The following PARD3B variants were observed in gnomAD, a reference collection of about 807,000 sequenced individuals.
PARD3B encodes the protein partitioning defective 3 homolog B.
A neutral mutation model predicts 130.2 loss-of-function variants in PARD3B; 103 were observed. The ratio of observed to expected loss-of-function variants is 0.79; its 90% confidence interval spans 0.67 to 0.93. The LOEUF is 0.93. Among genes scored for constraint, PARD3B ranks in the 40% least tolerant of loss-of-function variants. The pLI is 0.00. For missense variants in PARD3B, 1,609 were observed against 1,499.2 expected (o/e 1.07, Z -1.21); for synonymous variants, 583 against 553.2 (o/e 1.05, Z -0.76).
Position 205,615,731 on chromosome 2 carries a change from G to C in PARD3B, c.3536G>C (p.Gly1179Ala). Reference sequence around the variant, plus strand: ...GCCTATCAGGAAACAGGCAGACCAGGGCCCCGTGGGGGCAGCCCAGACCAG... The same window carrying C: ...GCCTATCAGGAAACAGGCAGACCAGCGCCCCGTGGGGGCAGCCCAGACCAG... ...MPAYQETGRPGPRGGSPDQYP... is the reference protein window; with the variant it reads ...MPAYQETGRPAPRGGSPDQYP... Residue 1179 changes from glycine (G) to alanine (A), a missense_variant, in exon 23 of 23, where the codon GGG (glycine) becomes GCG (alanine). Transcript: ENST00000406610. 6.2e-7 allele frequency: 1 copy of C among 1,613,962 alleles called. No individual in the cohort carries two copies. The highest frequency in any genetic ancestry group is 8.5e-7 in the Non-Finnish European group (1 of 1,179,990).
At chr2:204,803,163 A>AAAT (rs1553528190) in intron 2 of PARD3B, among the ~76,000 whole-genome samples, 1 of 90,766 alleles carries the variant, frequency 1.1e-5, no homozygotes. Flanking sequence ...AAAAAAAAAA[A>AAAT]ATATATATAT....
Position 205,125,681 on chromosome 2 carries a change from G to T in PARD3B, c.1378G>T (p.Glu460Ter), listed in dbSNP as rs982989932. Residue 460 changes from glutamate (E) to a stop codon, truncating the protein, a stop_gained, in exon 10 of 23, where the codon GAG (glutamate) becomes TAG (stop). Coordinates refer to ENST00000406610, the MANE Select transcript of PARD3B (RefSeq NM_001302769.2). LOFTEE classifies it high-confidence loss of function. The surrounding 1 kb of genome is among the most constrained non-coding windows in gnomAD (Gnocchi z 4.0). ...CATGCTCAGGAGCACCAAGCAGGGGGAGACAGCATCGCTGGTCATTGCCCG... is the reference window on the plus strand; with the variant it reads ...CATGCTCAGGAGCACCAAGCAGGGGTAGACAGCATCGCTGGTCATTGCCCG... The part of the protein sequence containing the change: ...VAMLRSTKQG[E>*]TASLVIARQE... The T allele has an allele frequency of 1.2e-6, 2 of 1,614,148 alleles. No homozygotes were observed. Among genetic ancestry groups the T allele is most frequent in the Non-Finnish European group, 1.7e-6 (2 of 1,180,036 alleles).
intron 18 of PARD3B, among the ~76,000 whole-genome samples, chr2:205,303,829 T>A (rs1273030420): frequency 2.0e-5 from 3 of 152,108 alleles, no homozygotes. Context: ...CCCTAAGGGG[T>A]TTACTTGTAG....
At chr2:204,736,917 T>C (rs915484904) in intron 2 of PARD3B, among the ~76,000 whole-genome samples, 2 of 152,170 alleles carry the variant, frequency 1.3e-5, no homozygotes, top group Admixed American at 1.3e-4. Context: ...CATTCCCTTT[T>C]CCCCACATCC....
chr2:205,611,901 G>A (rs941117151), intron 22 of PARD3B, among the ~76,000 whole-genome samples: 2 of 152,154 alleles, frequency 1.3e-5, no homozygotes, highest in African/African-American at 4.8e-5. Flanking sequence ...GCGGATTCTT[G>A]TTTTAATCAG....
rs113746258 is a variant in PARD3B, at chr2:205,353,330, T to G, written c.2631-47683T>G. Reference sequence around the variant, plus strand: ...CCCTTTTCTCCCCCTTGATAGTGCATTAGTACCGCTCCATGGAACAAATTG... The same window carrying G: ...CCCTTTTCTCCCCCTTGATAGTGCAGTAGTACCGCTCCATGGAACAAATTG... On this transcript the variant is annotated intron_variant, in intron 18 of 22. Coordinates refer to ENST00000406610, the MANE Select transcript of PARD3B (RefSeq NM_001302769.2). 3.3e-5 allele frequency among the ~76,000 whole-genome samples: 5 copies of G among 152,304 alleles called. 1 individual carries two copies. The highest frequency in any genetic ancestry group is 1.2e-4 in the African/African-American group (5 of 41,556).
At chr2:205,235,117 CACT>C (rs1440795580) in intron 15 of PARD3B, among the ~76,000 whole-genome samples, 1 of 151,918 alleles carries the variant, frequency 6.6e-6, no homozygotes, top group African/African-American at 2.4e-5. Context: ...CCTCAGCTTT[CACT>C]TAAAAAAATG....
chr2:204,737,807 C>T (rs1353564163), intron 2 of PARD3B, among the ~76,000 whole-genome samples: 1 of 152,036 alleles, frequency 6.6e-6, no homozygotes, highest in African/African-American at 2.4e-5. Flanking sequence ...GCCGGTTTTC[C>T]CATTTAATAC....
rs762096192 is a variant in PARD3B at position 205,193,303 on chromosome 2, C to T, written c.2123C>T (p.Ser708Leu). The change falls in exon 15 of 23, where the codon TCG becomes TTG. Residue 708 changes from serine (S) to leucine (L), a missense_variant. Transcript: ENST00000406610. ...RQPESINLKA[S>L]KSMDLVPDES... is the part of the protein sequence containing the mutation. ...CCTGAATCAATTAATTTGAAAGCCT[C>T]GAAGAGCATGGACCTTGGTAAGCAA... 14 of 1,609,788 alleles carry T rather than the reference C, an allele frequency of 8.7e-6. No homozygotes were observed. Among genetic ancestry groups the T allele is most frequent in the African/African-American group, 1.3e-5 (1 of 74,800 alleles).
At chr2:205,221,503 G>C (rs2038236126) in intron 15 of PARD3B, among the ~76,000 whole-genome samples, 3 of 152,174 alleles carry the variant, frequency 2.0e-5, no homozygotes, top group Non-Finnish European at 4.4e-5. Context: ...ACTTTGGTGA[G>C]GGTGTCAGTG....
intron 21 of PARD3B, among the ~76,000 whole-genome samples, chr2:205,502,863 T>A (rs931048236): frequency 3.3e-5 from 5 of 152,126 alleles, no homozygotes; most frequent in African/African-American, 9.7e-5. Flanking sequence ...ACTTTCTAGA[T>A]CTTCTCAGAC....
chr2:205,241,372 G>T lies in PARD3B; in HGVS notation c.2141-4406G>T, dbSNP rs190972130. Among the ~76,000 whole-genome samples, 2 of 152,196 alleles carry T rather than the reference G, an allele frequency of 1.3e-5. No individual in the cohort carries two copies. The highest frequency in any genetic ancestry group is 1.3e-4 in the Admixed American group (2 of 15,272). The stretch of plus-strand genomic sequence containing the variant: ...GAAAGATCAAGAGGAGGCAGTCCAT[G>T]GTACTCTCTAAGTATGTAATAATGG... On this transcript the variant is annotated intron_variant, in intron 15 of 22. Transcript: ENST00000406610. This position sits in a 1 kb window ranked among gnomAD's most constrained non-coding sequence, Gnocchi z 4.2.
At chr2:204,762,116 ATTTTTTTTTTTT>A (rs968166780) in intron 2 of PARD3B, among the ~76,000 whole-genome samples, 1 of 95,378 alleles carries the variant, frequency 1.0e-5, no homozygotes, top group African/African-American at 4.1e-5. Context: ...TTCTTTTTCT[ATTTTTTTTTTTT>A]TTTTTTTTTT....
chr2:204,910,851 C>A (rs567929632), intron 2 of PARD3B, among the ~76,000 whole-genome samples: 1 of 152,046 alleles, frequency 6.6e-6, no homozygotes, highest in African/African-American at 2.4e-5. Flanking sequence ...ACTTTGTTAG[C>A]CAGGATGGTC....
intron 21 of PARD3B, among the ~76,000 whole-genome samples, chr2:205,516,554 C>T (rs2106384169): frequency 6.6e-6 from 1 of 152,190 alleles, no homozygotes; most frequent in East Asian, 1.9e-4. Flanking sequence ...GATTGCCTTT[C>T]TGATTTGGCT....
Position 205,229,830 on chromosome 2 carries a change from T to C in PARD3B, c.2141-15948T>C, listed in dbSNP as rs982271192. On this transcript the variant is annotated intron_variant, in intron 15 of 22. Coordinates refer to ENST00000406610, the MANE Select transcript of PARD3B (RefSeq NM_001302769.2). This position sits in a 1 kb window ranked among gnomAD's most constrained non-coding sequence, Gnocchi z 5.2. ...CCTAGAGTCAGAAACCTTAGATGTC[T>C]ACCTGGTGCTCCATTTTCTTGAGTC... is the stretch of plus-strand genomic sequence containing the variant. 2.2e-4 allele frequency among the ~76,000 whole-genome samples: 33 copies of C among 151,994 alleles called. No homozygotes were observed. Among genetic ancestry groups the C allele is most frequent in the African/African-American group, 7.5e-4 (31 of 41,406 alleles).
At position 205,558,260 on chromosome 2, in the gene PARD3B, C is replaced by T. The variant is rs764242156; in HGVS notation, c.3260+4857C>T. Among the ~76,000 whole-genome samples, 1 of 152,130 alleles carries T rather than the reference C, an allele frequency of 6.6e-6. No homozygotes were observed. Among genetic ancestry groups the T allele is most frequent in the Non-Finnish European group, 1.5e-5 (1 of 68,024 alleles). ...CATTGCTCCAGTGGTAGAGGCCATA[C>T]CCAGGGCGAGTTAACCAGGAAGGTG... is the stretch of plus-strand genomic sequence containing the variant. On this transcript the variant is annotated intron_variant, in intron 22 of 22. Transcript: ENST00000406610. The surrounding 1 kb of genome is among the most constrained non-coding windows in gnomAD (Gnocchi z 4.8).
chr2:205,045,394 C>T (rs1413138536), intron 3 of PARD3B, among the ~76,000 whole-genome samples: 11 of 151,890 alleles, frequency 7.2e-5, no homozygotes, highest in African/African-American at 1.7e-4. Context: ...ATTACAGTTG[C>T]GTACCACCAT....
At chr2:205,270,646 A>G (rs2040688612) in intron 16 of PARD3B, among the ~76,000 whole-genome samples, 1 of 152,096 alleles carries the variant, frequency 6.6e-6, no homozygotes, top group African/African-American at 2.4e-5. Context: ...CCTGTTTCTC[A>G]CCTAGTAAGT....
Sources: gnomAD v4.1 joint callset for allele counts (sites outside exome capture counted in the v4.1 genomes callset) on GRCh38, gnomAD v4.1.1 for gene constraint, Gnocchi (gnomAD v3.1) non-coding constraint, MANE v1.5 for transcripts, NCBI Gene and HGNC (gene_info 2026-07-23, HGNC 2026-07-21) for gene names.